The following MARCHF1 variants were observed in gnomAD, a reference collection of about 807,000 sequenced individuals.
The protein encoded by MARCHF1 is membrane associated ring-CH-type finger 1, also known as E3 ubiquitin-protein ligase MARCHF1.
Under a neutral mutation model 54.2 loss-of-function variants are expected in MARCHF1, and 40 were observed. The observed-to-expected ratio is 0.74, with a 90% CI of 0.57 to 0.96. The LOEUF (loss-of-function observed/expected upper bound fraction) is 0.96, where lower values mean the gene tolerates loss of function less well. Among genes scored for constraint, MARCHF1 ranks in the 40% least tolerant of loss-of-function variants. The probability of loss-of-function intolerance (pLI) is 0.00; values close to 1 mark genes in which losing one functional copy is unlikely to be tolerated. For missense variants in MARCHF1, 586 were observed against 656.5 expected (o/e 0.89, Z 1.17); for synonymous variants, 236 against 236.3 (o/e 1.00, Z 0.01).
At chr4:163,882,542 A>G (rs1346873298) in intron 3 of MARCHF1, among the ~76,000 whole-genome samples, 1 of 152,204 alleles carries the variant, frequency 6.6e-6, no homozygotes, top group Non-Finnish European at 1.5e-5. Flanking sequence ...TTTAAATGTT[A>G]TCTTTTTATT....
At chr4:163,679,302 A>C (rs986936937) in intron 5 of MARCHF1, among the ~76,000 whole-genome samples, 17 of 152,202 alleles carry the variant, frequency 1.1e-4, no homozygotes, top group Non-Finnish European at 1.0e-4. Context: ...TTTCCAGAAG[A>C]AAATCTCTGA....
chr4:164,176,953 T>G lies in MARCHF1; in HGVS notation c.-322-65291A>C, dbSNP rs1290715238. ...GAGTACCTTGTGCGCTCTCTCTCTC[T>G]CTCTCTCTCTCTCTCTCTCTCTCTC... On this transcript the variant is annotated intron_variant, in intron 1 of 9. Transcript: ENST00000514618. 1.7e-3 allele frequency among the ~76,000 whole-genome samples: 72 copies of G among 41,854 alleles called. 4 individuals are homozygous for G. Among genetic ancestry groups the G allele is most frequent in the Non-Finnish European group, 9.4e-4 (22 of 23,444 alleles). The allele number at this position is 41,854 out of a possible 152,430, so 27.5% of individuals were successfully genotyped here.
chr4:163,801,399 C>T (rs1479133252), intron 4 of MARCHF1, among the ~76,000 whole-genome samples: 2 of 151,876 alleles, frequency 1.3e-5, no homozygotes, highest in African/African-American at 2.4e-5. Flanking sequence ...TCCCTAGACA[C>T]CTATCTACAA....
chr4:163,924,292 G>A (rs1171772422), intron 3 of MARCHF1, among the ~76,000 whole-genome samples: 1 of 152,008 alleles, frequency 6.6e-6, no homozygotes, highest in Non-Finnish European at 1.5e-5. Flanking sequence ...AAGTTGTCAA[G>A]GCTGGCTGGA....
rs1740157396 is a variant in MARCHF1, at chr4:163,579,694, G to A, written c.1191+6055C>T. Among the ~76,000 whole-genome samples, 3 of 152,162 alleles carry A rather than the reference G, an allele frequency of 2.0e-5. No individual in the cohort carries two copies. In the South Asian group the frequency reaches 6.2e-4, roughly 31 times the overall value. ...ATAGAACGGAATGAATATGCATTGT[G>A]AATTGTGAGTATGAATTTTTTTTTG... On this transcript the variant is annotated intron_variant, in intron 8 of 9. Coordinates refer to ENST00000514618, the MANE Select transcript of MARCHF1 (RefSeq NM_001394959.1).
At chr4:164,275,683 G>GTAGC (rs1733863121) in intron 1 of MARCHF1, among the ~76,000 whole-genome samples, 1 of 152,010 alleles carries the variant, frequency 6.6e-6, no homozygotes, top group Non-Finnish European at 1.5e-5. Context: ...TATAAGAGAT[G>GTAGC]TAGATTTCAT....
intron 7 of MARCHF1, among the ~76,000 whole-genome samples, chr4:163,601,481 A>G (rs770446689): frequency 1.1e-4 from 16 of 152,090 alleles, no homozygotes; most frequent in Admixed American, 2.0e-4. Flanking sequence ...ATAGTTCAGT[A>G]TAACTGCAAT....
At chr4:164,291,744 A>T (rs769410871) in intron 1 of MARCHF1, among the ~76,000 whole-genome samples, 4 of 152,068 alleles carry the variant, frequency 2.6e-5, no homozygotes, top group African/African-American at 7.2e-5. Context: ...GAATTTGCAT[A>T]TCTAAATATA....
intron 4 of MARCHF1, among the ~76,000 whole-genome samples, chr4:163,743,147 G>A (rs895412310): frequency 1.3e-5 from 2 of 152,164 alleles, no homozygotes; most frequent in African/African-American, 4.8e-5. Flanking sequence ...GAGGACAGAG[G>A]TGAAGAACAA....
At chr4:163,717,054 G>T (rs978024739) in intron 4 of MARCHF1, among the ~76,000 whole-genome samples, 2 of 151,444 alleles carry the variant, frequency 1.3e-5, no homozygotes, top group African/African-American at 4.9e-5. Flanking sequence ...GTGCAGGTTT[G>T]TTACATATGT....
chr4:163,796,708 T>C (rs1029766166), intron 4 of MARCHF1, among the ~76,000 whole-genome samples: 8 of 152,196 alleles, frequency 5.3e-5, no homozygotes, highest in Non-Finnish European at 1.0e-4. Context: ...TTTTGAATTG[T>C]TCTTTCCCCT....
intron 1 of MARCHF1, among the ~76,000 whole-genome samples, chr4:164,143,860 T>A (rs957407357): frequency 2.0e-5 from 3 of 152,182 alleles, no homozygotes; most frequent in Non-Finnish European, 4.4e-5. Flanking sequence ...ATGCTCCAAT[T>A]AAAAGACACA....
chr4:163,740,643 C>T (rs903801832), intron 4 of MARCHF1, among the ~76,000 whole-genome samples: 2 of 152,086 alleles, frequency 1.3e-5, no homozygotes, highest in Admixed American at 6.6e-5. Context: ...TGTCTCCCTT[C>T]GAAGGATCTT....
intron 1 of MARCHF1, among the ~76,000 whole-genome samples, chr4:164,332,166 C>T (rs954367582): frequency 1.4e-4 from 22 of 152,156 alleles, no homozygotes; most frequent in African/African-American, 4.6e-4. Flanking sequence ...GGGCTAGAAC[C>T]TGCCTCCGTC....
At chr4:164,109,912 TAAAAAAAAAAAAAAA>T (rs57433858) in intron 2 of MARCHF1, among the ~76,000 whole-genome samples, 2 of 63,152 alleles carry the variant, frequency 3.2e-5, no homozygotes, top group South Asian at 7.4e-4. Flanking sequence ...AAAATAAAAG[TAAAAAAAAAAAAAAA>T]AAAAAAAAAG....
intron 5 of MARCHF1, among the ~76,000 whole-genome samples, chr4:163,635,974 A>C (rs1280962476): frequency 6.6e-6 from 1 of 152,228 alleles, no homozygotes; most frequent in African/African-American, 2.4e-5. Flanking sequence ...CAGCATATAA[A>C]CAGAGCCAAA....
chr4:164,345,121 TAGA>T (rs146350651), intron 1 of MARCHF1, among the ~76,000 whole-genome samples: 3,202 of 152,284 alleles, frequency 0.021, 125 homozygotes, highest in African/African-American at 0.073. Flanking sequence ...TTCAAATAGC[TAGA>T]AGGAGAATAT....
intron 3 of MARCHF1, among the ~76,000 whole-genome samples, chr4:163,961,952 GT>G (rs1752353353): frequency 6.6e-6 from 1 of 151,848 alleles, no homozygotes; most frequent in South Asian, 2.1e-4. Flanking sequence ...ATATGGCTCA[GT>G]TTTCTGGGGA....
intron 3 of MARCHF1, among the ~76,000 whole-genome samples, chr4:163,953,544 T>C (rs1312557549): frequency 6.6e-6 from 1 of 152,148 alleles, no homozygotes; most frequent in Non-Finnish European, 1.5e-5. Context: ...TCTACGTATA[T>C]AGTGCCAATA....
Sources: gnomAD v4.1 joint callset for allele counts (sites outside exome capture counted in the v4.1 genomes callset) on GRCh38, gnomAD v4.1.1 for gene constraint, MANE v1.5 for transcripts, NCBI Gene and HGNC (gene_info 2026-07-23, HGNC 2026-07-21) for gene names.